COL4A1: variants seen among roughly 807,000 people sequenced by gnomAD.
COL4A1 encodes the protein collagen type IV alpha 1 chain, also known as collagen alpha-1(IV) chain.
A neutral mutation model predicts 216.6 loss-of-function variants in COL4A1; 40 were observed. The ratio of observed to expected loss-of-function variants is 0.18; its 90% confidence interval spans 0.14 to 0.24. COL4A1 has a LOEUF of 0.24. Among genes scored for constraint, COL4A1 ranks in the 10% least tolerant of loss-of-function variants. COL4A1 has a pLI of 1.00. For missense variants in COL4A1, 1,628 were observed against 2,196.8 expected, an observed-to-expected ratio of 0.74 and a Z score of 5.18; for synonymous variants, 839 against 810.7, an observed-to-expected ratio of 1.03 and a Z score of -0.59.
chr13:110,286,522 A>G (rs1223505578), intron 1 of COL4A1, among the ~76,000 whole-genome samples: 3 of 152,182 alleles, frequency 2.0e-5, no homozygotes, highest in Non-Finnish European at 4.4e-5. Flanking sequence ...GAAGAGGAGG[A>G]ACAGTTCCCA....
chr13:110,252,730 AGTAT>A (rs1192520011), intron 1 of COL4A1, among the ~76,000 whole-genome samples: 22 of 48,410 alleles, frequency 4.5e-4, no homozygotes, highest in Admixed American at 2.5e-3. Flanking sequence ...TATAATTATA[AGTAT>A]GTATGTATTA....
chr13:110,296,206 G>A (rs1393625027), intron 1 of COL4A1, among the ~76,000 whole-genome samples: 4 of 152,194 alleles, frequency 2.6e-5, no homozygotes, highest in African/African-American at 7.2e-5. Flanking sequence ...GCGAAACCAC[G>A]GCAACGTGCC....
Position 110,213,956 on chromosome 13 carries a change from A to T in COL4A1, c.204T>A (p.Pro68=), listed in dbSNP as rs370425696. The T allele has an allele frequency of 8.1e-5, 130 of 1,613,998 alleles. No homozygotes were observed. The highest frequency in any genetic ancestry group is 1.1e-4 in the Non-Finnish European group (127 of 1,180,004). The change falls in exon 3 of 52, where the codon CCT becomes CCA. Residue 68 remains proline (P), a synonymous_variant. Transcript: ENST00000375820. ...GVIGFPGMQG[P]EGPQGPPGQK... is the part of the protein sequence containing the mutation. Reference sequence around the variant, plus strand: ...GTCCTGGTGGTCCCTGTGGCCCCTCAGGTCCTTGCATTCCAGGAAACCCAA... The same window carrying T: ...GTCCTGGTGGTCCCTGTGGCCCCTCTGGTCCTTGCATTCCAGGAAACCCAA...
chr13:110,239,019 C>T (rs1881444807), intron 2 of COL4A1, among the ~76,000 whole-genome samples: 1 of 152,130 alleles, frequency 6.6e-6, no homozygotes, highest in African/African-American at 2.4e-5. Flanking sequence ...GTGTGCAAGG[C>T]CAAATTAATT....
rs144171664 is a variant in COL4A1 at position 110,210,179 on chromosome 13, C to T, written c.502G>A (p.Gly168Arg). ...CCTCTTTCACCTTTCAACAGCATCC[C>T]GGGCACATGGCCAAGTATCTCACCT... ...DPGEILGHVP[G>R]MLLKGERGFP... Residue 168 changes from glycine to arginine, a missense_variant, in exon 9 of 52, where the codon GGG (glycine) becomes AGG (arginine). By Grantham distance (125) the Gly-to-Arg change is moderately radical. Coordinates refer to ENST00000375820, the MANE Select transcript of COL4A1 (RefSeq NM_001845.6). The T allele has an allele frequency of 6.1e-5, 98 of 1,613,716 alleles. No individual in the cohort carries two copies. Among genetic ancestry groups the T allele is most frequent in the Admixed American group, 1.0e-4 (6 of 60,010 alleles).
intron 43 of COL4A1, among the ~76,000 whole-genome samples, chr13:110,167,577 G>A (rs1043666454): frequency 1.3e-5 from 2 of 152,148 alleles, no homozygotes; most frequent in Non-Finnish European, 2.9e-5. Flanking sequence ...ACCTGTGACG[G>A]CAACATAGCC....
intron 2 of COL4A1, among the ~76,000 whole-genome samples, chr13:110,223,025 G>A (rs1405991731): frequency 6.6e-6 from 1 of 152,044 alleles, no homozygotes; most frequent in Non-Finnish European, 1.5e-5. Flanking sequence ...ACAGGTAAAT[G>A]CGGTCAGCCT....
chr13:110,205,250 T>A (rs1195036873), intron 17 of COL4A1, 103 bp downstream of exon 17: 1 of 1,384,604 alleles, frequency 7.2e-7, no homozygotes, highest in African/African-American at 1.4e-5. Context: ...TAAATGATTT[T>A]TTTCCCTTGA....
At position 110,175,233 on chromosome 13, in the gene COL4A1, C is replaced by G. The variant is rs874204; in HGVS notation, c.3183G>C (p.Gly1061=). 1 of 1,613,454 alleles carries G rather than the reference C, an allele frequency of 6.2e-7. No individual in the cohort carries two copies. The highest frequency in any genetic ancestry group is 1.1e-5 in the South Asian group (1 of 91,078). ...QAGPPGIGIP[G]LRGEKGDQGI... ...CGCTGGTTACCTTTTCACCTCGCAG[C>G]CCTGGGATGCCTATGCCAGGTGGGC... The change falls in exon 37 of 52, where the codon GGG becomes GGC. Residue 1061 remains glycine (G), a synonymous_variant. Transcript: ENST00000375820.
chr13:110,295,282 G>T (rs977404174), intron 1 of COL4A1, among the ~76,000 whole-genome samples: 1 of 145,616 alleles, frequency 6.9e-6, no homozygotes, highest in Non-Finnish European at 1.5e-5. Flanking sequence ...TTTTTGAGAC[G>T]GAGTTTGTAC....
rs639411 is a variant in COL4A1 at position 110,174,324 on chromosome 13, G to A, written c.3406+122C>T. The A allele has an allele frequency of 0.018, 19,146 of 1,066,046 alleles. 2,132 individuals are homozygous for A. The African/African-American group carries it at 0.25, about 14-fold the overall frequency. The allele number at this position is 1,066,046 out of a possible 1,614,324, so 66.0% of individuals were successfully genotyped here. A position where few individuals can be genotyped will look rare whatever the true frequency, so the allele number is the denominator to read the frequency against. On this transcript the variant is annotated intron_variant, in intron 39 of 51. Coordinates refer to ENST00000375820, the MANE Select transcript of COL4A1 (RefSeq NM_001845.6). Reference sequence around the variant, plus strand: ...ACTAGACTCAGTTTGCCCATCTGAAGATGGGAGACAGGACAGCTGGCCTCC... The same window carrying A: ...ACTAGACTCAGTTTGCCCATCTGAAAATGGGAGACAGGACAGCTGGCCTCC...
chr13:110,280,581 G>T (rs951737814), intron 1 of COL4A1, among the ~76,000 whole-genome samples: 1 of 152,174 alleles, frequency 6.6e-6, no homozygotes, highest in Non-Finnish European at 1.5e-5. Context: ...TAGCAGCGCC[G>T]CATGGCATGG....
At chr13:110,291,199 G>C (rs1884073845) in intron 1 of COL4A1, among the ~76,000 whole-genome samples, 1 of 152,228 alleles carries the variant, frequency 6.6e-6, no homozygotes, top group South Asian at 2.1e-4. Flanking sequence ...CAAGTAGCCT[G>C]GCATCACATT....
chr13:110,170,471 C>T (rs1235446419), intron 42 of COL4A1, 76 bp downstream of exon 42: 1 of 1,457,080 alleles, frequency 6.9e-7, no homozygotes, highest in African/African-American at 1.4e-5. Context: ...GAGAATTTAA[C>T]TATTTCTTTT....
At chr13:110,199,462 A>G (rs1879067746) in intron 20 of COL4A1, among the ~76,000 whole-genome samples, 1 of 152,236 alleles carries the variant, frequency 6.6e-6, no homozygotes, top group Non-Finnish European at 1.5e-5. Flanking sequence ...AACGTGCTCC[A>G]AGGCAGCCAA....
In COL4A1 at chr13:110,162,439, G is replaced by A. The variant is rs771875677; in HGVS notation, c.4253C>T (p.Pro1418Leu). 2 of 1,613,460 alleles carry A rather than the reference G, an allele frequency of 1.2e-6. No homozygotes were observed. The highest frequency in any genetic ancestry group is 2.2e-5 in the South Asian group (2 of 91,054). Residue 1418 changes from proline to leucine, a missense_variant, in exon 48 of 52, where the codon CCA (proline) becomes CTA (leucine). Pro to Leu is a moderately conservative substitution (Grantham distance 98, BLOSUM62 -3). Coordinates refer to ENST00000375820, the MANE Select transcript of COL4A1 (RefSeq NM_001845.6). ...GEMGPAGPTG[P>L]RGFPGPPGPD... ...GCCTGGTGGACCTGGAAATCCTCTT[G>A]GACCTGGAAGATAGGAGACAAATTA...
intron 1 of COL4A1, among the ~76,000 whole-genome samples, chr13:110,274,750 G>A (rs955869738): frequency 6.6e-6 from 1 of 152,232 alleles, no homozygotes; most frequent in Admixed American, 6.5e-5. Context: ...ACATTGTATA[G>A]GTAGCAAGAG....
At chr13:110,294,537 G>T (rs927014232) in intron 1 of COL4A1, among the ~76,000 whole-genome samples, 2 of 152,168 alleles carry the variant, frequency 1.3e-5, no homozygotes, top group African/African-American at 4.8e-5. Flanking sequence ...GAAGAGCTCT[G>T]CAAACCCATT....
intron 2 of COL4A1, among the ~76,000 whole-genome samples, chr13:110,224,642 G>A (rs1454941804): frequency 1.3e-5 from 2 of 152,150 alleles, no homozygotes; most frequent in Non-Finnish European, 2.9e-5. Context: ...TTCTTATAAA[G>A]ACACTTTGCT....
Sources: allele counts gnomAD v4.1 joint callset (sites outside exome capture counted in the v4.1 genomes callset), GRCh38; gene constraint gnomAD v4.1.1; transcripts MANE v1.5; gene names NCBI Gene and HGNC (gene_info 2026-07-23, HGNC 2026-07-21).